CPNE4: variants seen among roughly 807,000 people sequenced by gnomAD.
The protein encoded by CPNE4 is copine-4.
Under a neutral mutation model 67.9 loss-of-function variants are expected in CPNE4, and 25 were observed. The observed-to-expected ratio is 0.37, with a 90% CI of 0.27 to 0.51. CPNE4 has a LOEUF of 0.51. Among genes scored for constraint, CPNE4 ranks in the 20% least tolerant of loss-of-function variants. The probability of loss-of-function intolerance (pLI) is 0.93; values close to 1 mark genes in which losing one functional copy is unlikely to be tolerated. For synonymous variants in CPNE4, 242 were observed against 244.9 expected (o/e 0.99, Z 0.11); for missense variants, 464 against 690.8 (o/e 0.67, Z 3.68).
intron 7 of CPNE4, among the ~76,000 whole-genome samples, chr3:131,660,924 G>C (rs1461037998): frequency 1.3e-5 from 2 of 152,092 alleles, no homozygotes; most frequent in African/African-American, 4.8e-5. Flanking sequence ...TTAGAGAGAG[G>C]CCTCTTCATA....
chr3:131,851,344 C>T (rs1165286305), intron 2 of CPNE4, among the ~76,000 whole-genome samples: 1 of 151,870 alleles, frequency 6.6e-6, no homozygotes, highest in South Asian at 2.1e-4. Context: ...AATCCAAAGG[C>T]TGATTTGAAG....
rs149546172 is a variant in CPNE4, at chr3:131,639,244, A to G, written c.681+30431T>C. Among the ~76,000 whole-genome samples the G allele has an allele frequency of 2.6e-5, 4 of 152,286 alleles. No individual in the cohort carries two copies. The East Asian group carries it at 7.7e-4, about 29-fold the overall frequency. ...AAAAGTTGGTTCTTTGAAAAGATAAATAAAACTGATGGACCATTAGCGAGA... is the reference window on the plus strand; with the variant it reads ...AAAAGTTGGTTCTTTGAAAAGATAAGTAAAACTGATGGACCATTAGCGAGA... On this transcript the variant is annotated intron_variant, in intron 7 of 15. Transcript: ENST00000429747.
chr3:131,683,630 G>A (rs1053827771), intron 6 of CPNE4, among the ~76,000 whole-genome samples: 1 of 152,138 alleles, frequency 6.6e-6, no homozygotes, highest in East Asian at 1.9e-4. Context: ...CACCTGAGGG[G>A]TGGTGCAGGC....
intron 1 of CPNE4, among the ~76,000 whole-genome samples, chr3:131,982,223 C>T (rs770071353): frequency 5.3e-5 from 8 of 152,156 alleles, no homozygotes; most frequent in Non-Finnish European, 1.0e-4. Context: ...ACTACTAAAA[C>T]TTTATGCATT....
rs368457851 is a variant in CPNE4 at position 131,581,579 on chromosome 3, C to T, written c.867G>A (p.Lys289=). The T allele has an allele frequency of 6.2e-7, 1 of 1,607,986 alleles. No individual in the cohort carries two copies. Residue 289 remains lysine (K), a splice_region_variant and synonymous_variant, in exon 9 of 16, where the codon AAG becomes AAA. Coordinates refer to ENST00000429747, the MANE Select transcript of CPNE4 (RefSeq NM_130808.3). ...CTGGAAGAGAGGGTTGTGTACATAC[C>T]TTGCACAGATTCAGAATCACAGTGC... The part of the protein sequence containing the change: ...NSGTVILNLC[K]IHKMHSFLDY...
chr3:131,698,298 A>G (rs1345651664), intron 4 of CPNE4, among the ~76,000 whole-genome samples: 1 of 151,152 alleles, frequency 6.6e-6, no homozygotes, highest in Non-Finnish European at 1.5e-5. Context: ...ATGTGGAGAA[A>G]GAAAATCTCA....
intron 14 of CPNE4, among the ~76,000 whole-genome samples, chr3:131,543,446 A>C (rs1935637639): frequency 6.6e-6 from 1 of 152,212 alleles, no homozygotes; most frequent in Admixed American, 6.5e-5. Flanking sequence ...TATTAAAATT[A>C]AGCTGTAACT....
chr3:131,606,385 C>T (rs374511469), intron 7 of CPNE4, among the ~76,000 whole-genome samples: 10 of 152,168 alleles, frequency 6.6e-5, no homozygotes, highest in African/African-American at 2.2e-4. Context: ...ACCAATCATA[C>T]ATGAATGATC....
At chr3:131,863,319 C>T (rs2086777404) in intron 2 of CPNE4, among the ~76,000 whole-genome samples, 1 of 152,016 alleles carries the variant, frequency 6.6e-6, no homozygotes, top group African/African-American at 2.4e-5. Context: ...GTTTACAGTC[C>T]CACCAACAGT....
At chr3:131,622,442 C>A (rs1260322062) in intron 7 of CPNE4, among the ~76,000 whole-genome samples, 3 of 152,136 alleles carry the variant, frequency 2.0e-5, no homozygotes, top group Non-Finnish European at 2.9e-5. Context: ...GAATCCTATC[C>A]TAAAGTGTCG....
chr3:131,731,400 C>T (rs887693301), intron 2 of CPNE4, among the ~76,000 whole-genome samples: 15 of 152,204 alleles, frequency 9.9e-5, no homozygotes, highest in Admixed American at 4.6e-4. Flanking sequence ...CCCCTTCCTT[C>T]GTTGGCCTCC....
intron 2 of CPNE4, among the ~76,000 whole-genome samples, chr3:131,760,176 T>C (rs907332402): frequency 3.3e-5 from 5 of 152,204 alleles, no homozygotes; most frequent in Non-Finnish European, 7.3e-5. Flanking sequence ...AACAAATTTA[T>C]TGAAGTGAAA....
chr3:131,981,275 C>T (rs2072902037), intron 1 of CPNE4, among the ~76,000 whole-genome samples: 1 of 151,164 alleles, frequency 6.6e-6, no homozygotes, highest in Non-Finnish European at 1.5e-5. Context: ...TGCCCTTTGT[C>T]TTCTGCTACC....
intron 2 of CPNE4, among the ~76,000 whole-genome samples, chr3:131,831,410 T>C (rs536678863): frequency 6.6e-6 from 1 of 152,284 alleles, no homozygotes; most frequent in African/African-American, 2.4e-5. Context: ...TAAAATTAAA[T>C]ATATCTAAAC....
At chr3:131,627,727 G>T (rs1016587025) in intron 7 of CPNE4, among the ~76,000 whole-genome samples, 2 of 152,202 alleles carry the variant, frequency 1.3e-5, no homozygotes, top group Admixed American at 1.3e-4. Flanking sequence ...TGACTTTGAG[G>T]AATTCAAGAC....
intron 2 of CPNE4, among the ~76,000 whole-genome samples, chr3:131,861,401 TTTGTGTGTG>T (rs1156964589): frequency 1.4e-3 from 158 of 115,386 alleles, no homozygotes; most frequent in Non-Finnish European, 2.3e-3. Context: ...ATATCTCATC[TTTGTGTGTG>T]TGTGTGTGTG....
intron 2 of CPNE4, among the ~76,000 whole-genome samples, chr3:131,857,334 G>A (rs1179307792): frequency 6.6e-6 from 1 of 151,934 alleles, no homozygotes; most frequent in Non-Finnish European, 1.5e-5. Flanking sequence ...ATATAAATTA[G>A]GTAAACGTGA....
rs573210245 is a variant in CPNE4 at position 131,672,892 on chromosome 3, A to G, written c.592-3128T>C. 2.0e-5 allele frequency among the ~76,000 whole-genome samples: 3 copies of G among 151,896 alleles called. No individual in the cohort carries two copies. The South Asian group carries it at 6.2e-4, about 31-fold the overall frequency. On this transcript the variant is annotated intron_variant, in intron 6 of 15. Coordinates refer to ENST00000429747, the MANE Select transcript of CPNE4 (RefSeq NM_130808.3). ...GCTTGGTTGCTTGTGCTTGTGGGGTATTATTCAAGAAATCTTTACCCAGTC... is the reference window on the plus strand; with the variant it reads ...GCTTGGTTGCTTGTGCTTGTGGGGTGTTATTCAAGAAATCTTTACCCAGTC...
chr3:131,600,828 C>T (rs758217505), intron 7 of CPNE4, among the ~76,000 whole-genome samples: 28 of 152,258 alleles, frequency 1.8e-4, no homozygotes, highest in Admixed American at 1.2e-3. Flanking sequence ...CAGACTTTGT[C>T]GCACCATTTA....
Sources: allele counts gnomAD v4.1 joint callset (sites outside exome capture counted in the v4.1 genomes callset), GRCh38; gene constraint gnomAD v4.1.1; transcripts MANE v1.5; gene names NCBI Gene and HGNC (gene_info 2026-07-23, HGNC 2026-07-21).